Variants in BUB1B observed in about 807,000 individuals in gnomAD.
BUB1B encodes the protein BUB1 mitotic checkpoint serine/threonine kinase B.
Under a neutral mutation model 137.7 loss-of-function variants are expected in BUB1B, and 86 were observed. That is an observed-to-expected ratio of 0.62 (90% CI 0.52 to 0.75). The LOEUF is 0.75. Ranked by LOEUF, BUB1B falls within the 30% of genes least tolerant of loss-of-function variation. BUB1B has a pLI of 0.00. For missense variants in BUB1B, 1,130 were observed against 1,236.9 expected, an observed-to-expected ratio of 0.91 and a Z score of 1.30; for synonymous variants, 420 against 417.9, an observed-to-expected ratio of 1.00 and a Z score of -0.06.
In BUB1B at chr15:40,194,405, T is replaced by C. The variant is rs528888226; in HGVS notation, c.1059-2140T>C. On this transcript the variant is annotated intron_variant, in intron 8 of 22. Coordinates refer to ENST00000287598, the MANE Select transcript of BUB1B (RefSeq NM_001211.6). ...AGTGACAAGAATGGACATCCTTGTC[T>C]TGTTCCTGATCTTAGGGGGAAAGCA... Among the ~76,000 whole-genome samples the C allele has an allele frequency of 2.0e-5, 3 of 152,354 alleles. No homozygotes were observed. The South Asian group carries it at 6.2e-4, about 32-fold the overall frequency.
At chr15:40,163,325 G>C (rs928731595) in intron 1 of BUB1B, among the ~76,000 whole-genome samples, 1 of 152,200 alleles carries the variant, frequency 6.6e-6, no homozygotes, top group Non-Finnish European at 1.5e-5. Context: ...TGTAATCCCA[G>C]CACTTCGGGA....
chr15:40,188,871 G>A (rs1219681502), intron 8 of BUB1B, among the ~76,000 whole-genome samples: 2 of 152,038 alleles, frequency 1.3e-5, no homozygotes, highest in African/African-American at 4.8e-5. Flanking sequence ...ATGAGCCACT[G>A]CACTCAGCCT....
chr15:40,216,602 T>C (rs1374113808), intron 20 of BUB1B, among the ~76,000 whole-genome samples: 3 of 146,396 alleles, frequency 2.0e-5, no homozygotes, highest in African/African-American at 7.5e-5. Context: ...TAGTATAGTT[T>C]TATGGTGGCC....
rs200483866 is a variant in BUB1B, at chr15:40,170,059, C to T, written c.180-3C>T. On this transcript the variant is annotated splice_region_variant and splice_polypyrimidine_tract_variant and intron_variant, in intron 2 of 22. Coordinates refer to ENST00000287598, the MANE Select transcript of BUB1B (RefSeq NM_001211.6). ...ATGCTAACTTTTTCTGTTTACATTT[C>T]AGGGCATTTGAATATGAAATTCGAT... 4.9e-4 allele frequency: 791 copies of T among 1,612,716 alleles called. 6 individuals are homozygous for T. The highest frequency in any genetic ancestry group is 9.0e-4 in the Admixed American group (54 of 59,990).
intron 18 of BUB1B, among the ~76,000 whole-genome samples, chr15:40,212,201 G>A (rs555010839): frequency 6.6e-6 from 1 of 152,342 alleles, no homozygotes; most frequent in East Asian, 1.9e-4. Flanking sequence ...ACTTCCATGG[G>A]TAATTGGTGC....
chr15:40,161,396 T>A (rs2037041456), intron 1 of BUB1B, 141 bp downstream of exon 1: 1 of 1,013,926 alleles, frequency 9.9e-7, no homozygotes, highest in Admixed American at 3.4e-5. Context: ...CCTTTTGGAG[T>A]AGAATGCCGG....
intron 14 of BUB1B, among the ~76,000 whole-genome samples, chr15:40,203,237 C>T (rs959005330): frequency 2.0e-5 from 3 of 152,166 alleles, no homozygotes; most frequent in African/African-American, 7.2e-5. Context: ...GAATGAAGTA[C>T]TAATACCTGT....
chr15:40,217,288 T>G, intron 20 of BUB1B: 1 of 590,804 alleles, frequency 1.7e-6, no homozygotes, highest in Non-Finnish European at 3.0e-6. Flanking sequence ...GAAATATACT[T>G]TGTGTCACCA....
At chr15:40,214,015 T>C (rs1279967465) in intron 20 of BUB1B, among the ~76,000 whole-genome samples, 1 of 152,238 alleles carries the variant, frequency 6.6e-6, no homozygotes, top group African/African-American at 2.4e-5. Context: ...AGTATTGTGA[T>C]GATATATGTC....
chr15:40,218,440 CT>C lies in BUB1B; in HGVS notation c.2851-11del. ...CAGAGAATTATTTTAGCTGATGGTG[CT>C]TTTTGTGATTTCAGGTAGACCTGTT... is the stretch of plus-strand genomic sequence containing the variant. On this transcript the variant is annotated splice_polypyrimidine_tract_variant and intron_variant, in intron 21 of 22. Coordinates refer to ENST00000287598, the MANE Select transcript of BUB1B (RefSeq NM_001211.6). 1 of 1,588,742 alleles carries C rather than the reference CT, an allele frequency of 6.3e-7. No homozygotes were observed. Among genetic ancestry groups the C allele is most frequent in the Non-Finnish European group, 8.6e-7 (1 of 1,157,670 alleles).
At chr15:40,214,229 C>T (rs2037747758) in intron 20 of BUB1B, among the ~76,000 whole-genome samples, 1 of 152,060 alleles carries the variant, frequency 6.6e-6, no homozygotes, top group Non-Finnish European at 1.5e-5. Flanking sequence ...ACAAACTATG[C>T]CAAGGAATGG....
intron 2 of BUB1B, among the ~76,000 whole-genome samples, chr15:40,166,737 G>A (rs1292194274): frequency 6.6e-6 from 1 of 152,186 alleles, no homozygotes; most frequent in Non-Finnish European, 1.5e-5. Flanking sequence ...AGGAGGTTGT[G>A]ACATTTTACA....
intron 8 of BUB1B, among the ~76,000 whole-genome samples, chr15:40,191,880 G>T (rs56266380): frequency 0.013 from 1,891 of 151,164 alleles, 43 homozygotes; most frequent in African/African-American, 0.044. Flanking sequence ...TCCCCTACAC[G>T]ATCTCGATTA....
chr15:40,163,182 C>CT (rs1220415837), intron 1 of BUB1B, among the ~76,000 whole-genome samples: 1 of 152,168 alleles, frequency 6.6e-6, no homozygotes, highest in Non-Finnish European at 1.5e-5. Flanking sequence ...TGGTTCCTCT[C>CT]TGAGTTGCTG....
At chr15:40,216,993 A>G (rs181225304) in intron 20 of BUB1B, among the ~76,000 whole-genome samples, 72 of 152,364 alleles carry the variant, frequency 4.7e-4, no homozygotes, top group African/African-American at 1.6e-3. Context: ...ATTTTACAAT[A>G]CAGATAGGAC....
chr15:40,194,869 A>C (rs2037479292), intron 8 of BUB1B, among the ~76,000 whole-genome samples: 1 of 152,204 alleles, frequency 6.6e-6, no homozygotes, highest in Non-Finnish European at 1.5e-5. Flanking sequence ...TGATGAGGAT[A>C]TGGTATTAAG....
Position 40,217,563 on chromosome 15 carries a change from G to A in BUB1B, c.2746G>A (p.Val916Ile), listed in dbSNP as rs768565777. Residue 916 changes from valine to isoleucine, a missense_variant, in exon 21 of 23, where the codon GTT (valine) becomes ATT (isoleucine). Coordinates refer to ENST00000287598, the MANE Select transcript of BUB1B (RefSeq NM_001211.6). ...GAAGATAGTGGACTTTTCCTACAGT[G>A]TTGACCTTAGGGTGCAGCTGGATGT... is the stretch of plus-strand genomic sequence containing the variant. Reference protein sequence around the residue: ...ALKIVDFSYSVDLRVQLDVFT... With the variant: ...ALKIVDFSYSIDLRVQLDVFT... The A allele has an allele frequency of 6.2e-7, 1 of 1,614,140 alleles. No homozygotes were observed. The highest frequency in any genetic ancestry group is 8.5e-7 in the Non-Finnish European group (1 of 1,180,026).
Position 40,196,619 on chromosome 15 carries a change from C to T in BUB1B, c.1133C>T (p.Pro378Leu), listed in dbSNP as rs748892468. The change falls in exon 9 of 23, where the codon CCT becomes CTT. Residue 378 changes from proline to leucine, a missense_variant. Physicochemically the swap from Pro to Leu is moderately conservative, Grantham distance 98 (BLOSUM62 -3). Transcript: ENST00000287598. ...TRKPGKEEGD[P>L]LQRVQSHQQA... ...AAGCCTGGAAAGGAAGAAGGAGATC[C>T]TCTACAAAGGGTTCAGAGCCATCAG... 6.2e-7 allele frequency: 1 copy of T among 1,613,920 alleles called. No homozygotes were observed. Among genetic ancestry groups the T allele is most frequent in the Non-Finnish European group, 8.5e-7 (1 of 1,179,910 alleles).
At chr15:40,171,528 C>T (rs1359093671) in intron 4 of BUB1B, among the ~76,000 whole-genome samples, 1 of 152,114 alleles carries the variant, frequency 6.6e-6, no homozygotes, top group Non-Finnish European at 1.5e-5. Context: ...GCCCAAGTGA[C>T]AGAGCAAGAT....
Sources: allele counts gnomAD v4.1 joint callset (sites outside exome capture counted in the v4.1 genomes callset), GRCh38; gene constraint gnomAD v4.1.1; transcripts MANE v1.5; gene names NCBI Gene and HGNC (gene_info 2026-07-23, HGNC 2026-07-21).